Variants in EFCAB11 observed in about 807,000 individuals in gnomAD.
The protein encoded by EFCAB11 is EF-hand calcium binding domain 11.
EFCAB11 carries 14 observed loss-of-function variants against 23.0 expected under a neutral mutation model. The ratio of observed to expected loss-of-function variants is 0.61; its 90% CI spans 0.40 to 0.95. The LOEUF (loss-of-function observed/expected upper bound fraction) is 0.95. Ranked by LOEUF, EFCAB11 falls within the 40% of genes least tolerant of loss-of-function variation. EFCAB11 has a pLI of 0.00. For synonymous variants in EFCAB11, 65 were observed against 66.6 expected (o/e 0.98, Z 0.11); for missense variants, 198 against 195.8 (o/e 1.01, Z -0.07).
chr14:89,931,273 C>G (rs1890379415), intron 5 of EFCAB11: 1 of 386,180 alleles, frequency 2.6e-6, no homozygotes, highest in Non-Finnish European at 4.6e-6. Flanking sequence ...TTCTTTCTTC[C>G]TGTTCCTCTC....
chr14:89,848,382 G>A (rs1405465805), intron 5 of EFCAB11: 1 of 152,170 alleles, frequency 6.6e-6, no homozygotes, highest in Non-Finnish European at 1.5e-5. Flanking sequence ...CTAGTGGTGT[G>A]CTGCAGAACT....
chr14:89,893,430 G>A (rs1889045046), intron 5 of EFCAB11, among the ~76,000 whole-genome samples: 1 of 152,150 alleles, frequency 6.6e-6, no homozygotes, highest in East Asian at 1.9e-4. Context: ...GAGCCACCAA[G>A]ATCCCCCTTT....
intron 5 of EFCAB11, chr14:89,836,762 T>C (rs1470234708): frequency 2.3e-6 from 1 of 428,370 alleles, no homozygotes. Context: ...CTTACACCTG[T>C]AATCCCAGCA....
At chr14:89,821,410 CT>C (rs1886513741) in intron 5 of EFCAB11, among the ~76,000 whole-genome samples, 1 of 152,134 alleles carries the variant, frequency 6.6e-6, no homozygotes, top group African/African-American at 2.4e-5. Context: ...TCTTTCTCCC[CT>C]TATGTATATA....
At chr14:89,874,022 C>A (rs559191237) in intron 5 of EFCAB11, among the ~76,000 whole-genome samples, 5 of 152,346 alleles carry the variant, frequency 3.3e-5, no homozygotes, top group South Asian at 2.1e-4. Context: ...CTGCATTGCC[C>A]TAGCAGAGGT....
At chr14:89,866,601 C>T (rs1019850714) in intron 5 of EFCAB11, among the ~76,000 whole-genome samples, 5 of 152,156 alleles carry the variant, frequency 3.3e-5, no homozygotes, top group Admixed American at 1.3e-4. Flanking sequence ...CTCTCCTAAG[C>T]CCTGGGCCCA....
intron 5 of EFCAB11, 99 bp downstream of exon 5, chr14:89,931,442 C>G (rs1031641778): frequency 2.0e-5 from 23 of 1,146,950 alleles, no homozygotes; most frequent in Non-Finnish European, 2.8e-5. Flanking sequence ...GTTCCAGACT[C>G]AAAAATCAGA....
At chr14:89,821,695 C>T (rs549054945) in intron 5 of EFCAB11, among the ~76,000 whole-genome samples, 31 of 152,268 alleles carry the variant, frequency 2.0e-4, no homozygotes, top group Admixed American at 2.6e-4. Flanking sequence ...CTAGAGGCAC[C>T]GTTTGGATGG....
At chr14:89,935,541 A>G (rs1890551448) in intron 3 of EFCAB11, among the ~76,000 whole-genome samples, 1 of 152,044 alleles carries the variant, frequency 6.6e-6, no homozygotes, top group Non-Finnish European at 1.5e-5. Flanking sequence ...TCTCCCCAGT[A>G]GCCGGAACTA....
chr14:89,876,686 C>A (rs909914944), intron 5 of EFCAB11, among the ~76,000 whole-genome samples: 11 of 152,156 alleles, frequency 7.2e-5, no homozygotes, highest in African/African-American at 2.7e-4. Context: ...CTCTTGGCAG[C>A]GCTGCCTGTC....
intron 5 of EFCAB11, among the ~76,000 whole-genome samples, chr14:89,889,819 G>A (rs1888905231): frequency 6.6e-6 from 1 of 152,198 alleles, no homozygotes; most frequent in Non-Finnish European, 1.5e-5. Context: ...CTTACTATTG[G>A]GGAATTGTGT....
At chr14:89,844,394 AC>A (rs1332967662) in intron 5 of EFCAB11, among the ~76,000 whole-genome samples, 1 of 152,214 alleles carries the variant, frequency 6.6e-6, no homozygotes, top group Admixed American at 6.5e-5. Flanking sequence ...AATAATTCAT[AC>A]AATTTTACCT....
intron 5 of EFCAB11, among the ~76,000 whole-genome samples, chr14:89,814,712 A>C (rs1169310134): frequency 6.6e-6 from 1 of 151,898 alleles, no homozygotes; most frequent in African/African-American, 2.4e-5. Context: ...TTCAAAAAAA[A>C]AAAAATCACC....
At chr14:89,866,412 G>A (rs1888093288) in intron 5 of EFCAB11, among the ~76,000 whole-genome samples, 1 of 152,204 alleles carries the variant, frequency 6.6e-6, no homozygotes, top group Admixed American at 6.5e-5. Flanking sequence ...TGCCTTTCAG[G>A]TTCTATCCTC....
chr14:89,886,176 C>G (rs1888765908), intron 5 of EFCAB11, among the ~76,000 whole-genome samples: 1 of 152,136 alleles, frequency 6.6e-6, no homozygotes, highest in Non-Finnish European at 1.5e-5. Context: ...TACATGTTTT[C>G]TCTTAAGGCA....
chr14:89,868,388 A>G (rs1191305710), intron 5 of EFCAB11, among the ~76,000 whole-genome samples: 1 of 152,262 alleles, frequency 6.6e-6, no homozygotes, highest in Non-Finnish European at 1.5e-5. Flanking sequence ...CCTCAGAAAG[A>G]GTTTATAAAG....
intron 5 of EFCAB11, among the ~76,000 whole-genome samples, chr14:89,903,134 CTG>C (rs1889392528): frequency 1.3e-5 from 2 of 152,218 alleles, no homozygotes; most frequent in Admixed American, 6.5e-5. Context: ...ATTTGAATAA[CTG>C]TGTTTTACTG....
chr14:89,890,699 C>A (rs1255873647), intron 5 of EFCAB11, among the ~76,000 whole-genome samples: 1 of 152,226 alleles, frequency 6.6e-6, no homozygotes, highest in Admixed American at 6.5e-5. Context: ...AGGCCAAATT[C>A]TTGAGGCTAG....
intron 5 of EFCAB11, among the ~76,000 whole-genome samples, chr14:89,842,631 TG>T (rs11350855): frequency 0.57 from 77,085 of 135,524 alleles, 21,522 homozygotes; most frequent in Non-Finnish European, 0.65. Flanking sequence ...TGATATGATA[TG>T]ATATGATATA....
Sources: gnomAD v4.1 joint callset for allele counts (sites outside exome capture counted in the v4.1 genomes callset) on GRCh38, gnomAD v4.1.1 for gene constraint, MANE v1.5 for transcripts, NCBI Gene and HGNC (gene_info 2026-07-23, HGNC 2026-07-21) for gene names.